FER: variants seen among roughly 807,000 people sequenced by gnomAD.
FER encodes the protein tyrosine-protein kinase Fer.
Under a neutral mutation model 111.0 loss-of-function variants are expected in FER, and 63 were observed. The observed-to-expected ratio is 0.57, with a 90% CI of 0.46 to 0.70. The LOEUF (loss-of-function observed/expected upper bound fraction) is 0.70. FER is among the 30% of genes least tolerant of loss of function. The probability of loss-of-function intolerance (pLI) is 0.00; values close to 1 mark genes in which losing one functional copy is unlikely to be tolerated. For synonymous variants in FER, 327 were observed against 313.9 expected, an observed-to-expected ratio of 1.04 and a Z score of -0.44; for missense variants, 914 against 954.0, an observed-to-expected ratio of 0.96 and a Z score of 0.55.
intron 5 of FER, among the ~76,000 whole-genome samples, chr5:108,855,585 C>A (rs552739273): frequency 5.0e-5 from 7 of 140,816 alleles, no homozygotes; most frequent in African/African-American, 1.6e-4. Context: ...CGCGCCACTG[C>A]ACTCCAGCGA....
intron 13 of FER, among the ~76,000 whole-genome samples, chr5:108,998,510 C>G (rs541480592): frequency 6.7e-4 from 102 of 152,280 alleles, no homozygotes; most frequent in Middle Eastern, 3.4e-3. Context: ...TGAGATGAAC[C>G]GGATACCTCA....
chr5:109,185,770 G>GGTAA (rs901710815), intron 18 of FER, among the ~76,000 whole-genome samples: 2 of 152,068 alleles, frequency 1.3e-5, no homozygotes, highest in Non-Finnish European at 2.9e-5. Flanking sequence ...GAACTCATTT[G>GGTAA]GTAAGTTTAA....
At chr5:109,071,860 A>T (rs996358965) in intron 16 of FER, among the ~76,000 whole-genome samples, 1 of 151,948 alleles carries the variant, frequency 6.6e-6, no homozygotes, top group African/African-American at 2.4e-5. Context: ...AAAAGCCATT[A>T]ACTGTGAAAA....
chr5:108,808,231 T>G (rs1244948877), intron 3 of FER, among the ~76,000 whole-genome samples: 1 of 152,104 alleles, frequency 6.6e-6, no homozygotes, highest in African/African-American at 2.4e-5. Context: ...TGTGTGGCTG[T>G]CTGTGTCTTT....
At chr5:108,822,671 C>G (rs1291052408) in intron 3 of FER, among the ~76,000 whole-genome samples, 1 of 151,876 alleles carries the variant, frequency 6.6e-6, no homozygotes, top group African/African-American at 2.4e-5. Context: ...TAGGCCCTAC[C>G]TACCAATACC....
chr5:108,840,593 T>C (rs1039387371), intron 5 of FER, among the ~76,000 whole-genome samples: 25 of 152,262 alleles, frequency 1.6e-4, no homozygotes, highest in African/African-American at 4.8e-4. Flanking sequence ...TCTGATTGCA[T>C]TCTCATGACT....
At chr5:109,095,903 G>A (rs761643417) in intron 16 of FER, among the ~76,000 whole-genome samples, 2 of 151,950 alleles carry the variant, frequency 1.3e-5, no homozygotes, top group South Asian at 2.1e-4. Flanking sequence ...AAAAACAAGG[G>A]TAATTAATTA....
At position 109,052,353 on chromosome 5, in the gene FER, C is replaced by T. The variant is rs1581808937; in HGVS notation, c.1924+5155C>T. On this transcript the variant is annotated intron_variant, in intron 16 of 19. Coordinates refer to ENST00000281092, the MANE Select transcript of FER (RefSeq NM_005246.4). ...CTGACTCAACCACTGTCTTCAGCAG[C>T]AGGATTTGGAAAATGAAAAGTACTG... 10 of 1,589,436 alleles carry T rather than the reference C, an allele frequency of 6.3e-6. No homozygotes were observed. In the East Asian group the frequency reaches 2.2e-4, roughly 36 times the overall value.
chr5:108,784,932 A>C (rs1754511807), intron 2 of FER: 2 of 186,414 alleles, frequency 1.1e-5, no homozygotes, highest in African/African-American at 4.6e-5. Context: ...TCATGAACAT[A>C]TCACAGTGCT....
intron 13 of FER, among the ~76,000 whole-genome samples, chr5:108,980,141 A>G (rs1448279027): frequency 6.6e-6 from 1 of 152,180 alleles, no homozygotes; most frequent in African/African-American, 2.4e-5. Context: ...ACAACATAAA[A>G]AACAAAATCA....
chr5:109,048,300 A>T (rs1258585600), intron 16 of FER, among the ~76,000 whole-genome samples: 1 of 152,136 alleles, frequency 6.6e-6, no homozygotes, highest in African/African-American at 2.4e-5. Context: ...TATCATCTTT[A>T]TCCTCATTAA....
At chr5:109,175,736 T>C (rs1442758342) in intron 17 of FER, among the ~76,000 whole-genome samples, 1 of 152,076 alleles carries the variant, frequency 6.6e-6, no homozygotes, top group Non-Finnish European at 1.5e-5. Context: ...TCCAAGAAAC[T>C]CAAACAGCTC....
rs891304703 is a variant in FER, at chr5:109,161,938, C to CTTT, written c.2049-18806_2049-18804dup. Among the ~76,000 whole-genome samples the CTTT allele has an allele frequency of 3.3e-5, 5 of 152,066 alleles. 1 individual carries two copies. The highest frequency in any genetic ancestry group is 1.2e-4 in the African/African-American group (5 of 41,436). ...CAACCTCACTAGCATCTGTTACTTA[C>CTTT]TTTTTAATAGCCATTCCGACTGGTG... On this transcript the variant is annotated intron_variant, in intron 17 of 19. Transcript: ENST00000281092.
intron 13 of FER, among the ~76,000 whole-genome samples, chr5:108,975,516 A>C (rs1481353479): frequency 6.6e-6 from 1 of 152,158 alleles, no homozygotes; most frequent in Non-Finnish European, 1.5e-5. Context: ...AGAAGGGAAA[A>C]GGTGCCAAAT....
At chr5:108,797,902 CCT>C (rs1052804470) in intron 2 of FER, among the ~76,000 whole-genome samples, 6 of 152,082 alleles carry the variant, frequency 3.9e-5, no homozygotes, top group Non-Finnish European at 5.9e-5. Flanking sequence ...TCTGAATGCC[CCT>C]TTTATTTCGT....
rs574136319 is a variant in FER, at chr5:109,183,786, A to G, written c.2204-2414A>G. Among the ~76,000 whole-genome samples the G allele has an allele frequency of 2.0e-5, 3 of 152,254 alleles. No individual in the cohort carries two copies. The East Asian group carries it at 5.8e-4, about 30-fold the overall frequency. Reference sequence around the variant, plus strand: ...TCTCAAGAAAAGTGGGGGGTGGGGCATAGAATTAAACCTGTTGTCACTGCG... The same window carrying G: ...TCTCAAGAAAAGTGGGGGGTGGGGCGTAGAATTAAACCTGTTGTCACTGCG... On this transcript the variant is annotated intron_variant, in intron 18 of 19. Transcript: ENST00000281092.
At chr5:108,987,490 G>A (rs896026568) in intron 13 of FER, among the ~76,000 whole-genome samples, 1 of 151,952 alleles carries the variant, frequency 6.6e-6, no homozygotes, top group African/African-American at 2.4e-5. Flanking sequence ...ATCTTGTAGA[G>A]GTCTTTCACC....
At chr5:108,817,128 A>G (rs1758368151) in intron 3 of FER, among the ~76,000 whole-genome samples, 2 of 148,364 alleles carry the variant, frequency 1.3e-5, no homozygotes, top group African/African-American at 5.0e-5. Context: ...AAAAAAAAAA[A>G]AAAAAAAAAG....
At chr5:108,995,388 G>C (rs957303632) in intron 13 of FER, among the ~76,000 whole-genome samples, 21 of 151,964 alleles carry the variant, frequency 1.4e-4, no homozygotes, top group African/African-American at 5.1e-4. Flanking sequence ...TCTACATTAG[G>C]TATTTCTCCT....
Sources: gnomAD v4.1 joint callset for allele counts (sites outside exome capture counted in the v4.1 genomes callset) on GRCh38, gnomAD v4.1.1 for gene constraint, MANE v1.5 for transcripts, NCBI Gene and HGNC (gene_info 2026-07-23, HGNC 2026-07-21) for gene names.